The following LNPEP variants were observed in gnomAD, a reference collection of about 807,000 sequenced individuals.
LNPEP encodes the protein leucyl and cystinyl aminopeptidase.
In LNPEP, 64 loss-of-function variants were observed where a neutral mutation model predicts 120.6. The ratio of observed to expected loss-of-function variants is 0.53; its 90% CI spans 0.43 to 0.65. LNPEP has a LOEUF of 0.65. Among genes scored for constraint, LNPEP ranks in the 30% least tolerant of loss-of-function variants. The probability of loss-of-function intolerance (pLI) is 0.00; values close to 1 mark genes in which losing one functional copy is unlikely to be tolerated. For missense variants in LNPEP, 1,057 were observed against 1,200.0 expected, an observed-to-expected ratio of 0.88 and a Z score of 1.76; for synonymous variants, 435 against 425.4, an observed-to-expected ratio of 1.02 and a Z score of -0.28.
intron 13 of LNPEP, among the ~76,000 whole-genome samples, chr5:97,018,789 T>C (rs945047595): frequency 1.3e-5 from 2 of 152,206 alleles, no homozygotes; most frequent in African/African-American, 4.8e-5. Flanking sequence ...ATTATGTACA[T>C]TTATTGGTCA....
intron 2 of LNPEP, 133 bp from the exon 3 acceptor site, chr5:96,984,947 C>T: frequency 4.4e-6 from 4 of 907,126 alleles, no homozygotes; most frequent in Non-Finnish European, 6.8e-6. Context: ...ATTGTATAAA[C>T]CTCTGCCTTT....
intron 6 of LNPEP, among the ~76,000 whole-genome samples, chr5:96,995,468 A>G (rs1420512743): frequency 6.7e-6 from 1 of 150,342 alleles, no homozygotes; most frequent in Non-Finnish European, 1.5e-5. Context: ...TCTTTTTACT[A>G]CCTCATAGAA....
At chr5:96,954,927 C>T (rs1237937917) in intron 1 of LNPEP, among the ~76,000 whole-genome samples, 5 of 149,464 alleles carry the variant, frequency 3.3e-5, no homozygotes, top group East Asian at 2.0e-4. Context: ...GGACTACCGG[C>T]GCCTGCCACC....
chr5:96,984,081 C>G (rs923495316), intron 2 of LNPEP, among the ~76,000 whole-genome samples: 2 of 152,178 alleles, frequency 1.3e-5, no homozygotes, highest in South Asian at 4.1e-4. Flanking sequence ...TCTGCACATG[C>G]ACTGCTCTCT....
chr5:96,974,930 T>C (rs1789953168), intron 1 of LNPEP, among the ~76,000 whole-genome samples: 1 of 152,160 alleles, frequency 6.6e-6, no homozygotes, highest in Non-Finnish European at 1.5e-5. Flanking sequence ...TCTTAAATGC[T>C]GATCCTCCCT....
At chr5:96,982,044 T>C (rs1790139692) in intron 2 of LNPEP, among the ~76,000 whole-genome samples, 1 of 152,174 alleles carries the variant, frequency 6.6e-6, no homozygotes, top group South Asian at 2.1e-4. Context: ...TCTTACGTGT[T>C]TAGTCTTTTA....
intron 1 of LNPEP, among the ~76,000 whole-genome samples, chr5:96,945,389 G>A (rs1221731741): frequency 1.4e-5 from 2 of 143,898 alleles, no homozygotes; most frequent in Non-Finnish European, 3.0e-5. Context: ...CTGGGCAAGA[G>A]AGTGAGACCC....
In LNPEP at chr5:96,993,840, G is replaced by A; in HGVS notation, c.1276G>A (p.Glu426Lys). 6.2e-7 allele frequency: 1 copy of A among 1,613,794 alleles called. No individual in the cohort carries two copies. Among genetic ancestry groups the A allele is most frequent in the Non-Finnish European group, 8.5e-7 (1 of 1,179,752 alleles). The change falls in exon 6 of 18, where the codon GAA (glutamate) becomes AAA (lysine). Residue 426 changes from glutamate to lysine, a missense_variant. By Grantham distance (56) the Glu-to-Lys change is moderately conservative. Transcript: ENST00000231368. ...KLDLVAIPDF[E>K]AGAMENWGLL... ...AGATTTGGTGGCTATTCCTGACTTT[G>A]AAGCAGGAGCAATGGAAAATTGGGG...
chr5:96,955,854 T>C (rs1789455871), intron 1 of LNPEP, among the ~76,000 whole-genome samples: 1 of 152,256 alleles, frequency 6.6e-6, no homozygotes, highest in African/African-American at 2.4e-5. Flanking sequence ...GTTTTAACTT[T>C]TTAAGAAACT....
intron 9 of LNPEP, 72 bp downstream of exon 9, chr5:97,003,618 C>T: frequency 6.4e-6 from 7 of 1,093,830 alleles, no homozygotes; most frequent in Non-Finnish European, 7.7e-6. Flanking sequence ...TACTTTTTAG[C>T]ATGTGTGTAA....
At chr5:96,971,647 T>G (rs1789866219) in intron 1 of LNPEP, among the ~76,000 whole-genome samples, 1 of 152,040 alleles carries the variant, frequency 6.6e-6, no homozygotes, top group South Asian at 2.1e-4. Context: ...GTTTATGGAC[T>G]CTTTCTTTTG....
intron 1 of LNPEP, among the ~76,000 whole-genome samples, chr5:96,977,921 A>T (rs80284550): frequency 0.037 from 5,705 of 152,260 alleles, 183 homozygotes; most frequent in Middle Eastern, 0.11. Context: ...TTTGAATCAA[A>T]TTTTTAGACC....
In LNPEP at chr5:96,979,609, C is replaced by T; in HGVS notation, c.491C>T (p.Ala164Val). The T allele has an allele frequency of 6.2e-7, 1 of 1,614,078 alleles. No individual in the cohort carries two copies. Among genetic ancestry groups the T allele is most frequent in the Non-Finnish European group, 8.5e-7 (1 of 1,179,964 alleles). The change falls in exon 2 of 18, where the codon GCA (alanine) becomes GTA (valine). Residue 164 changes from alanine to valine, a missense_variant. Coordinates refer to ENST00000231368, the MANE Select transcript of LNPEP (RefSeq NM_005575.3). Reference sequence around the variant, plus strand: ...ACAAATGGGAAATTGTTTCCATGGGCACAGATCAGGCTTCCCACTGCCGTT... The same window carrying T: ...ACAAATGGGAAATTGTTTCCATGGGTACAGATCAGGCTTCCCACTGCCGTT... ...FATNGKLFPW[A>V]QIRLPTAVVP... is the part of the protein sequence containing the mutation.
At chr5:96,938,083 A>G (rs971616551) in intron 1 of LNPEP, among the ~76,000 whole-genome samples, 1 of 152,252 alleles carries the variant, frequency 6.6e-6, no homozygotes, top group African/African-American at 2.4e-5. Flanking sequence ...AATGTTAGCA[A>G]TTTGAAGTGC....
chr5:97,024,789 TACA>T (rs1791299834), intron 15 of LNPEP, 107 bp downstream of exon 15: 1 of 1,011,120 alleles, frequency 9.9e-7, no homozygotes, highest in Non-Finnish European at 1.4e-6. Flanking sequence ...CCACTTCTGT[TACA>T]GGCCAGGCCT....
At chr5:96,989,339 A>G (rs1170469280) in intron 4 of LNPEP, among the ~76,000 whole-genome samples, 1 of 21,674 alleles carries the variant, frequency 4.6e-5, no homozygotes, top group East Asian at 1.3e-3. Flanking sequence ...ATTATATATA[A>G]TATATAATAT....
chr5:96,941,241 G>A (rs929156630), intron 1 of LNPEP, among the ~76,000 whole-genome samples: 1 of 152,190 alleles, frequency 6.6e-6, no homozygotes, highest in African/African-American at 2.4e-5. Flanking sequence ...AGGAGGTGGA[G>A]CTCAGGTGGT....
chr5:96,988,790 A>T (rs1332076558), intron 4 of LNPEP, among the ~76,000 whole-genome samples: 2 of 150,620 alleles, frequency 1.3e-5, no homozygotes, highest in African/African-American at 4.9e-5. Context: ...TTGTTTTTTT[A>T]ATTTTTTGTA....
chr5:97,013,831 G>A lies in LNPEP; in HGVS notation c.2219G>A (p.Gly740Asp). The A allele has an allele frequency of 6.3e-7, 1 of 1,584,138 alleles. No individual in the cohort carries two copies. Among genetic ancestry groups the A allele is most frequent in the Non-Finnish European group, 8.6e-7 (1 of 1,167,744 alleles). Residue 740 changes from glycine to aspartate, a missense_variant and splice_region_variant, in exon 12 of 18, where the codon GGC (glycine) becomes GAC (aspartate). Gly to Asp is a moderately conservative substitution (Grantham distance 94). Transcript: ENST00000231368. The stretch of plus-strand genomic sequence containing the variant: ...ATCAACAACATCTTTGAACTTGCAG[G>A]GTAGAGTATACTTAGTTTGAGATTT... ...NLINNIFELA[G>D]LGKVPLKRAF...
Sources: allele counts gnomAD v4.1 joint callset (sites outside exome capture counted in the v4.1 genomes callset), GRCh38; gene constraint gnomAD v4.1.1; transcripts MANE v1.5; gene names NCBI Gene and HGNC (gene_info 2026-07-23, HGNC 2026-07-21).